The following KIAA1328 variants were observed in gnomAD, a reference collection of about 807,000 sequenced individuals.
KIAA1328 encodes the protein KIAA1328.
A neutral mutation model predicts 68.1 loss-of-function variants in KIAA1328; 52 were observed. That is an observed-to-expected ratio of 0.76 (90% CI 0.61 to 0.96). KIAA1328 has a LOEUF of 0.96. KIAA1328 is among the 40% of genes least tolerant of loss of function. The probability of loss-of-function intolerance (pLI) is 0.00; values close to 1 mark genes in which losing one functional copy is unlikely to be tolerated. For synonymous variants in KIAA1328, 232 were observed against 239.4 expected, an observed-to-expected ratio of 0.97 and a Z score of 0.28; for missense variants, 641 against 677.6, an observed-to-expected ratio of 0.95 and a Z score of 0.60.
At chr18:36,926,596 A>G (rs974606921) in intron 5 of KIAA1328, among the ~76,000 whole-genome samples, 2 of 152,142 alleles carry the variant, frequency 1.3e-5, no homozygotes, top group Admixed American at 6.5e-5. Flanking sequence ...CAGGTGAAGT[A>G]ACTAAGTCTA....
intron 5 of KIAA1328, among the ~76,000 whole-genome samples, chr18:36,916,307 T>C (rs894943413): frequency 1.3e-5 from 2 of 152,156 alleles, no homozygotes; most frequent in African/African-American, 4.8e-5. Flanking sequence ...ATGATGCATA[T>C]TGATCTGTCT....
chr18:37,134,403 A>AT (rs2058595638), intron 7 of KIAA1328, among the ~76,000 whole-genome samples: 2 of 152,208 alleles, frequency 1.3e-5, no homozygotes, highest in African/African-American at 2.4e-5. Context: ...GTAATATGTA[A>AT]ATATTTATTA....
intron 7 of KIAA1328, among the ~76,000 whole-genome samples, chr18:37,105,458 G>A (rs542387249): frequency 2.0e-4 from 28 of 140,488 alleles, no homozygotes; most frequent in African/African-American, 6.3e-4. Context: ...TGCACTCTAC[G>A]CTAGCCTGGG....
At chr18:36,920,725 A>G (rs12604289) in intron 5 of KIAA1328, among the ~76,000 whole-genome samples, 140,356 of 152,216 alleles carry the variant, frequency 0.92, 65,782 homozygotes, top group East Asian at 1. Flanking sequence ...CCTGGTTTTG[A>G]CCCTGTGTGA....
chr18:37,172,548 T>G (rs962796906), intron 8 of KIAA1328, among the ~76,000 whole-genome samples: 3 of 152,194 alleles, frequency 2.0e-5, no homozygotes, highest in Non-Finnish European at 2.9e-5. Context: ...AAAGAAACTT[T>G]CAAGACTTAT....
At chr18:37,077,204 C>T (rs1443805745) in intron 7 of KIAA1328, among the ~76,000 whole-genome samples, 1 of 143,078 alleles carries the variant, frequency 7.0e-6, no homozygotes, top group Non-Finnish European at 1.5e-5. Context: ...AAATGTAATC[C>T]AGCATGTAAA....
intron 5 of KIAA1328, among the ~76,000 whole-genome samples, chr18:36,958,337 ATTTTCACTT>A (rs1356368023): frequency 6.6e-6 from 1 of 152,114 alleles, no homozygotes; most frequent in Non-Finnish European, 1.5e-5. Context: ...TTCAGGACAT[ATTTTCACTT>A]CTCTTGAGTA....
At chr18:36,925,796 C>T (rs2050094224) in intron 5 of KIAA1328, among the ~76,000 whole-genome samples, 1 of 152,016 alleles carries the variant, frequency 6.6e-6, no homozygotes, top group Non-Finnish European at 1.5e-5. Context: ...ACCTCAGCCT[C>T]CCGAAGTGCT....
Position 37,139,222 on chromosome 18 carries a change from C to T in KIAA1328, c.1233-20978C>T, listed in dbSNP as rs566559487. ...TCGTGATCTGCCCGCCTCGGCCTCC[C>T]AAAGTGCTGGGATTACAGGCATGAG... is the stretch of plus-strand genomic sequence containing the variant. On this transcript the variant is annotated intron_variant, in intron 7 of 9. Transcript: ENST00000280020. Among the ~76,000 whole-genome samples, 442 of 152,216 alleles carry T rather than the reference C, an allele frequency of 2.9e-3. 3 individuals carry two copies. The highest frequency in any genetic ancestry group is 0.019 in the Admixed American group (288 of 15,306).
chr18:36,849,301 A>G (rs924710327), intron 4 of KIAA1328, among the ~76,000 whole-genome samples: 9 of 152,032 alleles, frequency 5.9e-5, no homozygotes, highest in Non-Finnish European at 1.2e-4. Context: ...TACACATGAC[A>G]TAAATTGATC....
chr18:36,844,101 G>A, intron 3 of KIAA1328, 107 bp from the exon 4 acceptor site: 1 of 667,130 alleles, frequency 1.5e-6, no homozygotes, highest in Non-Finnish European at 2.6e-6. Context: ...AGATAGTGTT[G>A]CACCAGAGAA....
rs1351909671 is a variant in KIAA1328, at chr18:37,224,277, G to T, written c.*2050G>T. ...AAGAAAAGGATCACAGTTTCTTGAA[G>T]AAGCTTGTTTGCCTTTAGAAGAATC... On this transcript the variant is annotated 3_prime_UTR_variant, in exon 10 of 10. Coordinates refer to ENST00000280020, the MANE Select transcript of KIAA1328 (RefSeq NM_020776.3). 1.0e-6 allele frequency: 1 copy of T among 985,324 alleles called. No homozygotes were observed. The highest frequency in any genetic ancestry group is 1.2e-6 in the Non-Finnish European group (1 of 829,942). 61.0% of individuals were successfully genotyped at this position (985,324 alleles called of 1,614,324 possible). A position where few individuals can be genotyped will look rare whatever the true frequency, so the allele number is the denominator to read the frequency against.
chr18:36,851,118 A>C (rs2047199391), intron 4 of KIAA1328, among the ~76,000 whole-genome samples: 1 of 151,968 alleles, frequency 6.6e-6, no homozygotes, highest in Non-Finnish European at 1.5e-5. Context: ...ACATTGATTA[A>C]TTTTCTTGTG....
At position 36,835,369 on chromosome 18, in the gene KIAA1328, A is replaced by G. The variant is rs779379491; in HGVS notation, c.230A>G (p.Asp77Gly). 6.2e-7 allele frequency: 1 copy of G among 1,611,162 alleles called. No homozygotes were observed. The highest frequency in any genetic ancestry group is 8.5e-7 in the Non-Finnish European group (1 of 1,178,922). Residue 77 changes from aspartate (D) to glycine (G), a missense_variant, in exon 3 of 10, where the codon GAT becomes GGT. Physicochemically the swap from Asp to Gly is moderately conservative, Grantham distance 94. Coordinates refer to ENST00000280020, the MANE Select transcript of KIAA1328 (RefSeq NM_020776.3). ...TTAAAAGGCACAGGAGATTCAGTAG[A>G]TGAACAGGTTAGTATTTTTTTCGTC... ...ESLKGTGDSVDEQNSCRGEIK... is the reference protein window; with the variant it reads ...ESLKGTGDSVGEQNSCRGEIK...
chr18:37,128,454 C>A (rs1452111819), intron 7 of KIAA1328, among the ~76,000 whole-genome samples: 1 of 152,138 alleles, frequency 6.6e-6, no homozygotes, highest in African/African-American at 2.4e-5. Context: ...GCCTCGGTGA[C>A]AGAGCAAGAT....
At chr18:37,129,486 C>A (rs573738588) in intron 7 of KIAA1328, among the ~76,000 whole-genome samples, 2 of 152,012 alleles carry the variant, frequency 1.3e-5, no homozygotes, top group East Asian at 1.9e-4. Flanking sequence ...TTTAGTAAGT[C>A]CAATGAAAAC....
intron 5 of KIAA1328, 21 bp from the exon 6 acceptor site, chr18:36,959,287 T>C (rs779940738): frequency 1.1e-5 from 17 of 1,548,692 alleles, no homozygotes; most frequent in South Asian, 2.5e-5. Flanking sequence ...TCAGTTTTTT[T>C]CCCTTAATTT....
intron 6 of KIAA1328, among the ~76,000 whole-genome samples, chr18:37,060,311 A>T (rs1039870591): frequency 6.6e-6 from 1 of 152,150 alleles, no homozygotes; most frequent in Non-Finnish European, 1.5e-5. Context: ...TTTAACACTT[A>T]TTTTGAATTA....
At chr18:37,119,741 T>G (rs1260189934) in intron 7 of KIAA1328, among the ~76,000 whole-genome samples, 1 of 152,184 alleles carries the variant, frequency 6.6e-6, no homozygotes, top group Admixed American at 6.5e-5. Flanking sequence ...AATGTATGTA[T>G]AAAATGACAG....
Sources: gnomAD v4.1 joint callset for allele counts (sites outside exome capture counted in the v4.1 genomes callset) on GRCh38, gnomAD v4.1.1 for gene constraint, MANE v1.5 for transcripts, NCBI Gene and HGNC (gene_info 2026-07-23, HGNC 2026-07-21) for gene names.